Variants in ABCC11 observed in about 807,000 individuals in gnomAD.
ABCC11 encodes the protein ATP binding cassette subfamily C member 11.
In ABCC11, 135 loss-of-function variants were observed where a neutral mutation model predicts 149.3. That is an observed-to-expected ratio of 0.90 (90% CI 0.79 to 1.04). The LOEUF (loss-of-function observed/expected upper bound fraction) is 1.04, where lower values mean the gene tolerates loss of function less well. Among genes scored for constraint, ABCC11 ranks in the 50% least tolerant of loss-of-function variants. ABCC11 has a pLI of 0.00. For missense variants in ABCC11, 1,680 were observed against 1,722.1 expected, an observed-to-expected ratio of 0.98 and a Z score of 0.43; for synonymous variants, 665 against 671.4, an observed-to-expected ratio of 0.99 and a Z score of 0.15.
At chr16:48,181,745 G>A (rs1966449253) in intron 23 of ABCC11, among the ~76,000 whole-genome samples, 1 of 152,050 alleles carries the variant, frequency 6.6e-6, no homozygotes, top group South Asian at 2.1e-4. Flanking sequence ...TGAGTAGCTG[G>A]GACTATAGGC....
intron 1 of ABCC11, among the ~76,000 whole-genome samples, chr16:48,236,883 G>C (rs1970716503): frequency 6.6e-6 from 1 of 152,152 alleles, no homozygotes; most frequent in Non-Finnish European, 1.5e-5. Flanking sequence ...ATATAGTATT[G>C]TTTATTGTGG....
chr16:48,192,373 G>A (rs1966999790), intron 20 of ABCC11, 147 bp downstream of exon 20: 1 of 851,710 alleles, frequency 1.2e-6, no homozygotes, highest in Admixed American at 2.9e-5. Flanking sequence ...CAGCCTGGAA[G>A]GTGGAGGTTG....
In ABCC11 at chr16:48,198,160, A is replaced by C; in HGVS notation, c.2198T>G (p.Met733Arg). 6.2e-7 allele frequency: 1 copy of C among 1,614,162 alleles called. No individual in the cohort carries two copies. The highest frequency in any genetic ancestry group is 8.5e-7 in the Non-Finnish European group (1 of 1,180,026). The part of the protein sequence containing the change: ...KGKYAQLIQK[M>R]HKEATSDMLQ... ...ACTCACCGAAGTGGCTTCCTTGTGCATCTTCTGGATAAGTTGGGCATATTT... is the reference window on the plus strand; with the variant it reads ...ACTCACCGAAGTGGCTTCCTTGTGCCTCTTCTGGATAAGTTGGGCATATTT... The change falls in exon 16 of 30, where the codon ATG becomes AGG. Residue 733 changes from methionine (M) to arginine (R), a missense_variant. By Grantham distance (91) the Met-to-Arg change is moderately conservative. Coordinates refer to ENST00000356608, the MANE Select transcript of ABCC11 (RefSeq NM_001370497.1).
Position 48,187,271 on chromosome 16 carries a change from C to T in ABCC11, c.2863G>A (p.Val955Ile). Residue 955 changes from valine (V) to isoleucine (I), a missense_variant, in exon 21 of 30, where the codon GTC (valine) becomes ATC (isoleucine). Physicochemically the swap from Val to Ile is conservative, Grantham distance 29 (BLOSUM62 3). Transcript: ENST00000356608. ...AGGATATATGGAGACAGCACACTGA[C>T]AATCAACAGGACGGCGATCACCATT... ...SLMVIAVLLIVSVLSPYILLM... is the reference protein window; with the variant it reads ...SLMVIAVLLIISVLSPYILLM... 2 of 1,614,120 alleles carry T rather than the reference C, an allele frequency of 1.2e-6. No individual in the cohort carries two copies. The highest frequency in any genetic ancestry group is 1.7e-6 in the Non-Finnish European group (2 of 1,180,036).
intron 1 of ABCC11, among the ~76,000 whole-genome samples, chr16:48,246,546 G>A (rs946050372): frequency 2.0e-5 from 3 of 152,170 alleles, no homozygotes; most frequent in Non-Finnish European, 4.4e-5. Flanking sequence ...ATTCTGGCAA[G>A]ATTTTGGAAG....
At chr16:48,245,315 A>G (rs776879193) in intron 1 of ABCC11, among the ~76,000 whole-genome samples, 36 of 152,168 alleles carry the variant, frequency 2.4e-4, no homozygotes, top group African/African-American at 4.1e-4. Context: ...GCTTACTACT[A>G]TATTGCCCAG....
At chr16:48,175,564 G>A (rs922202295) in intron 25 of ABCC11, 147 bp from the exon 26 acceptor site, 4 of 960,228 alleles carry the variant, frequency 4.2e-6, no homozygotes, top group African/African-American at 1.7e-5. Flanking sequence ...GAGAGGGCTG[G>A]CGTCCCTGCT....
At chr16:48,241,125 G>A (rs949917071) in intron 1 of ABCC11, among the ~76,000 whole-genome samples, 2 of 152,064 alleles carry the variant, frequency 1.3e-5, no homozygotes, top group African/African-American at 4.8e-5. Flanking sequence ...TAATAGAAAC[G>A]GGATTTCACC....
chr16:48,232,229 C>G, intron 1 of ABCC11: 1 of 300,268 alleles, frequency 3.3e-6, no homozygotes, highest in South Asian at 7.8e-5. Flanking sequence ...TTTGATGTAT[C>G]AAACCCCTGC....
At chr16:48,206,989 AC>A (rs1400144498) in intron 12 of ABCC11, among the ~76,000 whole-genome samples, 3 of 152,170 alleles carry the variant, frequency 2.0e-5, no homozygotes, top group African/African-American at 7.2e-5. Context: ...TTGCAAAGAA[AC>A]CGGGGAAAGG....
chr16:48,220,183 AG>A (rs577026979), intron 6 of ABCC11, among the ~76,000 whole-genome samples: 68 of 152,324 alleles, frequency 4.5e-4, no homozygotes, highest in African/African-American at 1.5e-3. Context: ...GCCTTAGCAC[AG>A]GGCTCCTTAG....
chr16:48,203,808 T>G (rs773474630), intron 13 of ABCC11, among the ~76,000 whole-genome samples: 2 of 152,134 alleles, frequency 1.3e-5, no homozygotes, highest in Admixed American at 6.5e-5. Flanking sequence ...GCGGAAAGGT[T>G]GCAGTAAGCC....
intron 23 of ABCC11, among the ~76,000 whole-genome samples, chr16:48,179,154 C>T (rs1966273348): frequency 6.6e-6 from 1 of 152,122 alleles, no homozygotes; most frequent in South Asian, 2.1e-4. Context: ...ACAGTTGAGC[C>T]CTAGTGACAT....
chr16:48,188,984 T>C (rs1195762513), intron 20 of ABCC11, among the ~76,000 whole-genome samples: 1 of 152,218 alleles, frequency 6.6e-6, no homozygotes, highest in African/African-American at 2.4e-5. Flanking sequence ...TCATCGCAAA[T>C]GCATGGATAC....
rs142619603 is a variant in ABCC11, at chr16:48,166,821, C to A, written c.*453G>T. ...CAGAGGCTACAGTGAGCTGAGATTGCGCCACTGCGCTCCAGCCTGGGCAAC... is the reference window on the plus strand; with the variant it reads ...CAGAGGCTACAGTGAGCTGAGATTGAGCCACTGCGCTCCAGCCTGGGCAAC... On this transcript the variant is annotated 3_prime_UTR_variant, in exon 30 of 30. Coordinates refer to ENST00000356608, the MANE Select transcript of ABCC11 (RefSeq NM_001370497.1). The A allele has an allele frequency of 0.079, 12,154 of 154,652 alleles. 510 individuals are homozygous for A. Among genetic ancestry groups the A allele is most frequent in the African/African-American group, 0.1 (4,298 of 41,544 alleles). 9.6% of individuals were successfully genotyped at this position (154,652 alleles called of 1,614,324 possible). A position where few individuals can be genotyped will look rare whatever the true frequency, so the allele number is the denominator to read the frequency against.
rs545551363 is a variant in ABCC11, at chr16:48,204,325, G to T, written c.1806-1025C>A. Among the ~76,000 whole-genome samples the T allele has an allele frequency of 2.0e-5, 3 of 152,344 alleles. No homozygotes were observed. In the East Asian group the frequency reaches 5.8e-4, roughly 29 times the overall value. ...AGACAATCTTACGCGGGGTGGAACA[G>T]AGCAGGAGATTAGAGACAGGGACCC... On this transcript the variant is annotated intron_variant, in intron 13 of 29. Transcript: ENST00000356608.
In ABCC11 at chr16:48,211,203, T is replaced by A. The variant is rs370800309; in HGVS notation, c.1357-4A>T. ...GGCTCTCCTGGAGGAAAAACTTCTG[T>A]AAAGACAGAAAAAAATAGAGGGAGG... On this transcript the variant is annotated splice_polypyrimidine_tract_variant and splice_region_variant and intron_variant, in intron 10 of 29. Coordinates refer to ENST00000356608, the MANE Select transcript of ABCC11 (RefSeq NM_001370497.1). The A allele has an allele frequency of 1.2e-6, 2 of 1,611,544 alleles. No individual in the cohort carries two copies. The highest frequency in any genetic ancestry group is 1.7e-5 in the Admixed American group (1 of 59,412).
intron 1 of ABCC11, chr16:48,244,587 G>T (rs1177758201): frequency 6.7e-7 from 1 of 1,493,320 alleles, no homozygotes. Flanking sequence ...GCCTGACCCC[G>T]CCAGCGACGC....
chr16:48,243,197 T>C (rs943933165), intron 1 of ABCC11, among the ~76,000 whole-genome samples: 7 of 151,154 alleles, frequency 4.6e-5, no homozygotes, highest in South Asian at 2.1e-4. Flanking sequence ...GTCAGGAGAT[T>C]GAGACCATCC....
Sources: gnomAD v4.1 joint callset for allele counts (sites outside exome capture counted in the v4.1 genomes callset) on GRCh38, gnomAD v4.1.1 for gene constraint, MANE v1.5 for transcripts, NCBI Gene and HGNC (gene_info 2026-07-23, HGNC 2026-07-21) for gene names.